NELL1: variants seen among roughly 807,000 people sequenced by gnomAD.
The protein encoded by NELL1 is protein kinase C-binding protein NELL1.
A neutral mutation model predicts 107.4 loss-of-function variants in NELL1; 76 were observed. The ratio of observed to expected loss-of-function variants is 0.71; its 90% CI spans 0.59 to 0.86. The LOEUF is 0.86. NELL1 is among the 40% of genes least tolerant of loss of function. NELL1 has a pLI of 0.00. For missense variants in NELL1, 1,024 were observed against 1,005.5 expected, an observed-to-expected ratio of 1.02 and a Z score of -0.25; for synonymous variants, 353 against 341.2, an observed-to-expected ratio of 1.03 and a Z score of -0.38.
intron 15 of NELL1, among the ~76,000 whole-genome samples, chr11:21,525,579 T>C (rs1204539295): frequency 1.3e-5 from 2 of 152,180 alleles, no homozygotes; most frequent in African/African-American, 2.4e-5. Context: ...ATATTAAAAG[T>C]AGCTGTTTTT....
At chr11:21,096,189 T>G (rs889257008) in intron 12 of NELL1, among the ~76,000 whole-genome samples, 1 of 152,146 alleles carries the variant, frequency 6.6e-6, no homozygotes, top group Non-Finnish European at 1.5e-5. Context: ...AGCGCCAATG[T>G]CCGGTTCTAT....
chr11:20,695,375 C>G (rs1033180065), intron 2 of NELL1, among the ~76,000 whole-genome samples: 1 of 152,080 alleles, frequency 6.6e-6, no homozygotes, highest in Non-Finnish European at 1.5e-5. Context: ...TGTTCCATTT[C>G]TCAAGGGGAA....
chr11:21,530,688 G>T (rs1471742054), intron 15 of NELL1, among the ~76,000 whole-genome samples: 1 of 151,984 alleles, frequency 6.6e-6, no homozygotes, highest in Non-Finnish European at 1.5e-5. Context: ...AAGATTAGAG[G>T]TAGAAGCAAA....
At chr11:20,699,894 C>T (rs1163624119) in intron 2 of NELL1, among the ~76,000 whole-genome samples, 2 of 152,134 alleles carry the variant, frequency 1.3e-5, no homozygotes, top group African/African-American at 2.4e-5. Flanking sequence ...TACATTCTTA[C>T]CAGCAGTGTA....
intron 3 of NELL1, among the ~76,000 whole-genome samples, chr11:20,800,598 CCT>C (rs1292266239): frequency 6.6e-6 from 1 of 152,132 alleles, no homozygotes; most frequent in East Asian, 1.9e-4. Flanking sequence ...GGATATTAGA[CCT>C]CTGTTAGATG....
chr11:20,731,550 T>C lies in NELL1; in HGVS notation c.185-52130T>C, dbSNP rs560705092. Among the ~76,000 whole-genome samples, 5 of 152,342 alleles carry C rather than the reference T, an allele frequency of 3.3e-5. No individual in the cohort carries two copies. In the South Asian group the frequency reaches 1.0e-3, roughly 32 times the overall value. On this transcript the variant is annotated intron_variant, in intron 2 of 19. Transcript: ENST00000357134. Reference sequence around the variant, plus strand: ...TAAATGTGCAGATGCTCAATACCCATGTGTCTGCATGGGCATGAGTGTGGG... The same window carrying C: ...TAAATGTGCAGATGCTCAATACCCACGTGTCTGCATGGGCATGAGTGTGGG...
chr11:20,683,123 T>A (rs1054625042), intron 2 of NELL1, among the ~76,000 whole-genome samples: 1 of 152,156 alleles, frequency 6.6e-6, no homozygotes, highest in South Asian at 2.1e-4. Flanking sequence ...TGTCTTCTTT[T>A]GGATTAATTG....
At chr11:20,894,475 G>A (rs1849683510) in intron 5 of NELL1, among the ~76,000 whole-genome samples, 1 of 152,172 alleles carries the variant, frequency 6.6e-6, no homozygotes, top group South Asian at 2.1e-4. Context: ...AATGCTACCA[G>A]GCACTTCACA....
At chr11:21,214,245 T>C (rs1857565427) in intron 13 of NELL1, among the ~76,000 whole-genome samples, 1 of 152,150 alleles carries the variant, frequency 6.6e-6, no homozygotes, top group Admixed American at 6.5e-5. Flanking sequence ...ACTTTGACAA[T>C]CGTGTCAGCA....
At chr11:20,739,692 A>G (rs1439023215) in intron 2 of NELL1, among the ~76,000 whole-genome samples, 3 of 152,176 alleles carry the variant, frequency 2.0e-5, no homozygotes, top group African/African-American at 7.2e-5. Context: ...AGTCATGTTA[A>G]TGGACATGTT....
chr11:20,806,369 G>A (rs1426307859), intron 3 of NELL1, among the ~76,000 whole-genome samples: 2 of 151,742 alleles, frequency 1.3e-5, no homozygotes, highest in African/African-American at 2.4e-5. Flanking sequence ...CTTCTGTCTC[G>A]TGGCCAGTAA....
At chr11:21,211,154 G>A (rs896054980) in intron 13 of NELL1, among the ~76,000 whole-genome samples, 4 of 152,100 alleles carry the variant, frequency 2.6e-5, no homozygotes, top group African/African-American at 9.7e-5. Context: ...GTCCTATGAA[G>A]GAAATATATT....
At chr11:21,241,396 GT>G (rs1459796596) in intron 14 of NELL1, among the ~76,000 whole-genome samples, 1 of 152,114 alleles carries the variant, frequency 6.6e-6, no homozygotes, top group Admixed American at 6.6e-5. Flanking sequence ...GTCTCACCTG[GT>G]TGGGTGCCAT....
At chr11:20,730,434 A>C (rs1203911963) in intron 2 of NELL1, among the ~76,000 whole-genome samples, 1 of 152,194 alleles carries the variant, frequency 6.6e-6, no homozygotes, top group Non-Finnish European at 1.5e-5. Flanking sequence ...TCACAAATTT[A>C]AGTCCATTGT....
intron 15 of NELL1, among the ~76,000 whole-genome samples, chr11:21,528,516 C>CT (rs1336131924): frequency 4.3e-5 from 2 of 46,060 alleles, no homozygotes; most frequent in Admixed American, 3.0e-4. Context: ...TACCCACCCC[C>CT]CCCCCCTTTT....
At chr11:20,916,538 A>G (rs1176595044) in intron 5 of NELL1, among the ~76,000 whole-genome samples, 1 of 151,874 alleles carries the variant, frequency 6.6e-6, no homozygotes, top group African/African-American at 2.4e-5. Context: ...CATGGATGAT[A>G]AAAATAAAAA....
chr11:20,918,783 T>A (rs549127171), intron 6 of NELL1, among the ~76,000 whole-genome samples: 1 of 152,088 alleles, frequency 6.6e-6, no homozygotes, highest in East Asian at 1.9e-4. Flanking sequence ...GAGATTTGAG[T>A]GGGGATGCAG....
At chr11:21,093,316 G>C (rs903227093) in intron 12 of NELL1, among the ~76,000 whole-genome samples, 7 of 152,014 alleles carry the variant, frequency 4.6e-5, no homozygotes, top group African/African-American at 1.7e-4. Context: ...TTGCCATTTG[G>C]GCAGAGTCCT....
intron 3 of NELL1, among the ~76,000 whole-genome samples, chr11:20,839,227 GTT>G (rs1387532807): frequency 2.6e-5 from 4 of 152,140 alleles, no homozygotes; most frequent in Non-Finnish European, 1.5e-5. Flanking sequence ...TAATAGAACA[GTT>G]TTGAATGGGC....
Sources: gnomAD v4.1 joint callset for allele counts (sites outside exome capture counted in the v4.1 genomes callset) on GRCh38, gnomAD v4.1.1 for gene constraint, MANE v1.5 for transcripts, NCBI Gene and HGNC (gene_info 2026-07-23, HGNC 2026-07-21) for gene names.